PLCG1: variants seen among roughly 807,000 people sequenced by gnomAD.
The protein encoded by PLCG1 is phospholipase C gamma 1.
PLCG1 carries 71 observed loss-of-function variants against 177.8 expected under a neutral mutation model. The observed-to-expected ratio is 0.40, with a 90% CI of 0.33 to 0.49. PLCG1 has a LOEUF of 0.49. PLCG1 is among the 20% of genes least tolerant of loss of function. The pLI is 0.72. For synonymous variants in PLCG1, 658 were observed against 647.9 expected, an observed-to-expected ratio of 1.02 and a Z score of -0.24; for missense variants, 1,281 against 1,709.0, an observed-to-expected ratio of 0.75 and a Z score of 4.42.
chr20:41,144,118 C>T lies in PLCG1; in HGVS notation c.217+6260C>T, dbSNP rs2034920812. Among the ~76,000 whole-genome samples, 1 of 152,170 alleles carries T rather than the reference C, an allele frequency of 6.6e-6. No individual in the cohort carries two copies. The highest frequency in any genetic ancestry group is 2.4e-5 in the African/African-American group (1 of 41,452). Reference sequence around the variant, plus strand: ...GGGAGTTCATGGAACATTTTCTCACCTGTTGTATTGTTTGAACTTCACAGC... The same window carrying T: ...GGGAGTTCATGGAACATTTTCTCACTTGTTGTATTGTTTGAACTTCACAGC... On this transcript the variant is annotated intron_variant, in intron 1 of 31. Transcript: ENST00000685551. This position sits in a 1 kb window ranked among gnomAD's most constrained non-coding sequence, Gnocchi z 4.1.
chr20:41,137,741 G>C lies in PLCG1; in HGVS notation c.100G>C (p.Val34Leu). 7.6e-7 allele frequency: 1 copy of C among 1,322,842 alleles called. No individual in the cohort carries two copies. Among genetic ancestry groups the C allele is most frequent in the Non-Finnish European group, 9.7e-7 (1 of 1,031,190 alleles). The allele number at this position is 1,322,842 out of a possible 1,614,324, so 81.9% of individuals were successfully genotyped here. ...HLCRSLEVGTVMTLFYSKKSQ... is the reference protein window; with the variant it reads ...HLCRSLEVGTLMTLFYSKKSQ... ...CTGCCGCAGCCTCGAGGTGGGCACCGTCATGACTTTGTTCTACTCCAAGAA... is the reference window on the plus strand; with the variant it reads ...CTGCCGCAGCCTCGAGGTGGGCACCCTCATGACTTTGTTCTACTCCAAGAA... Residue 34 changes from valine (V) to leucine (L), a missense_variant, in exon 1 of 32, where the codon GTC (valine) becomes CTC (leucine). Coordinates refer to ENST00000685551, the MANE Select transcript of PLCG1 (RefSeq NM_002660.3). The surrounding 1 kb of genome is among the most constrained non-coding windows in gnomAD (Gnocchi z 7.3).
rs1401009910 is a variant in PLCG1, at chr20:41,162,697, G to A, written c.653G>A (p.Arg218His). ...ITYGQFAQLYRSLMYSAQKTM... is the reference protein window; with the variant it reads ...ITYGQFAQLYHSLMYSAQKTM... ...TACGGGCAGTTTGCTCAGCTGTACC[G>A]CAGCCTCATGTACAGCGCCCAGAAG... Residue 218 changes from arginine to histidine, a missense_variant, in exon 6 of 32, where the codon CGC becomes CAC. Arg to His is a conservative substitution (Grantham distance 29, BLOSUM62 0). This residue lies in a region of PLCG1 where 374 missense variants were observed against 443.8 expected (regional missense o/e 0.84). Coordinates refer to ENST00000685551, the MANE Select transcript of PLCG1 (RefSeq NM_002660.3). 5.6e-6 allele frequency: 9 copies of A among 1,613,398 alleles called. No homozygotes were observed. The highest frequency in any genetic ancestry group is 1.7e-5 in the Admixed American group (1 of 59,968).
At chr20:41,161,438 A>C (rs2035491339) in intron 4 of PLCG1, among the ~76,000 whole-genome samples, 1 of 152,162 alleles carries the variant, frequency 6.6e-6, no homozygotes, top group Admixed American at 6.5e-5. Context: ...TGGTGGAAGA[A>C]GTAACAAGCT....
In PLCG1 at chr20:41,167,300, C is replaced by A. The variant is rs561682649; in HGVS notation, c.2301+441C>A. The stretch of plus-strand genomic sequence containing the variant: ...GACCAGTGAGGGAAAAAGTCAGGAC[C>A]CATGGCAGCACAGCTGGTGATAAGG... On this transcript the variant is annotated intron_variant, in intron 19 of 31. Coordinates refer to ENST00000685551, the MANE Select transcript of PLCG1 (RefSeq NM_002660.3). The surrounding 1 kb of genome is among the most constrained non-coding windows in gnomAD (Gnocchi z 4.4). Among the ~76,000 whole-genome samples, 1 of 152,106 alleles carries A rather than the reference C, an allele frequency of 6.6e-6. No homozygotes were observed. Among genetic ancestry groups the A allele is most frequent in the Non-Finnish European group, 1.5e-5 (1 of 68,014 alleles).
In PLCG1 at chr20:41,137,758, C is replaced by G. The variant is rs1242770171; in HGVS notation, c.117C>G (p.Tyr39Ter). ...TGGGCACCGTCATGACTTTGTTCTA[C>G]TCCAAGAAGTCGCAGCGACCCGAGC... ...LEVGTVMTLF[Y>*]SKKSQRPERK... is the part of the protein sequence containing the mutation. Residue 39 changes from tyrosine (Y) to a stop codon, truncating the protein, a stop_gained, in exon 1 of 32, where the codon TAC (tyrosine) becomes TAG (stop). Transcript: ENST00000685551. LOFTEE classifies it high-confidence loss of function. The surrounding 1 kb of genome is among the most constrained non-coding windows in gnomAD (Gnocchi z 7.3). 1 of 1,291,104 alleles carries G rather than the reference C, an allele frequency of 7.7e-7. No homozygotes were observed. The allele number at this position is 1,291,104 out of a possible 1,614,324, so 80.0% of individuals were successfully genotyped here. A position where few individuals can be genotyped will look rare whatever the true frequency, so the allele number is the denominator to read the frequency against.
chr20:41,158,961 G>A (rs569433460), intron 1 of PLCG1, among the ~76,000 whole-genome samples: 3 of 152,322 alleles, frequency 2.0e-5, no homozygotes, highest in South Asian at 2.1e-4. Flanking sequence ...TGAAGGCCAC[G>A]GGAGCATGCA....
At position 41,165,200 on chromosome 20, in the gene PLCG1, G is replaced by A. The variant is rs894559813; in HGVS notation, c.1387-45G>A. ...GCCTAAACCTGGGTGAGGAGGTGGGGTGAGGACTGGGGTCTGCATTGCCCT... is the reference window on the plus strand; with the variant it reads ...GCCTAAACCTGGGTGAGGAGGTGGGATGAGGACTGGGGTCTGCATTGCCCT... On this transcript the variant is annotated intron_variant, in intron 13 of 31. Coordinates refer to ENST00000685551, the MANE Select transcript of PLCG1 (RefSeq NM_002660.3). This position sits in a 1 kb window ranked among gnomAD's most constrained non-coding sequence, Gnocchi z 6.6. 1.9e-6 allele frequency: 3 copies of A among 1,610,380 alleles called. No individual in the cohort carries two copies. The highest frequency in any genetic ancestry group is 1.7e-4 in the Middle Eastern group (1 of 6,048).
Position 41,168,887 on chromosome 20 carries a change from G to A in PLCG1, c.2483+17G>A. 6.4e-7 allele frequency: 1 copy of A among 1,556,898 alleles called. No homozygotes were observed. The highest frequency in any genetic ancestry group is 8.8e-7 in the Non-Finnish European group (1 of 1,130,032). The stretch of plus-strand genomic sequence containing the variant: ...GGGAGGCTGGTAAGCCAGTGGTGTG[G>A]TAGGCCCAGAGTCCAAGGGCCCCAG... On this transcript the variant is annotated intron_variant, in intron 21 of 31. Coordinates refer to ENST00000685551, the MANE Select transcript of PLCG1 (RefSeq NM_002660.3).
rs761164900 is a variant in PLCG1, at chr20:41,167,382, G to A, written c.2302-470G>A. 6.6e-5 allele frequency among the ~76,000 whole-genome samples: 10 copies of A among 152,190 alleles called. No homozygotes were observed. The highest frequency in any genetic ancestry group is 2.2e-4 in the African/African-American group (9 of 41,442). ...GAAGATCAGTTGAGAGACTGCTGTCGTCAGTAGACAGGGCTGGCTGGGGAG... is the reference window on the plus strand; with the variant it reads ...GAAGATCAGTTGAGAGACTGCTGTCATCAGTAGACAGGGCTGGCTGGGGAG... On this transcript the variant is annotated intron_variant, in intron 19 of 31. Coordinates refer to ENST00000685551, the MANE Select transcript of PLCG1 (RefSeq NM_002660.3). This position sits in a 1 kb window ranked among gnomAD's most constrained non-coding sequence, Gnocchi z 4.4.
Position 41,169,543 on chromosome 20 carries a change from T to C in PLCG1, c.2650+17T>C. The C allele has an allele frequency of 6.3e-7, 1 of 1,595,442 alleles. No individual in the cohort carries two copies. The highest frequency in any genetic ancestry group is 8.6e-7 in the Non-Finnish European group (1 of 1,163,112). On this transcript the variant is annotated intron_variant, in intron 23 of 31. Transcript: ENST00000685551. Reference sequence around the variant, plus strand: ...GTCAGATTGGTGAGCTCCCATCTGTTTCTCTTGCCCACTGTTCCCTAGGGT... The same window carrying C: ...GTCAGATTGGTGAGCTCCCATCTGTCTCTCTTGCCCACTGTTCCCTAGGGT...
At chr20:41,149,007 A>G (rs2035082375) in intron 1 of PLCG1, among the ~76,000 whole-genome samples, 1 of 152,228 alleles carries the variant, frequency 6.6e-6, no homozygotes, top group South Asian at 2.1e-4. Context: ...GTTATTTGCA[A>G]GTATAAAATA....
chr20:41,146,830 A>G lies in PLCG1; in HGVS notation c.217+8972A>G, dbSNP rs536330833. On this transcript the variant is annotated intron_variant, in intron 1 of 31. Transcript: ENST00000685551. The surrounding 1 kb of genome is among the most constrained non-coding windows in gnomAD (Gnocchi z 6.3). ...GTGGATGTGTGGTGGGAGAATTCCA[A>G]CCCCACCTTGACTTCAGCCTAAGGC... 1.3e-5 allele frequency among the ~76,000 whole-genome samples: 2 copies of G among 151,916 alleles called. No individual in the cohort carries two copies. Among genetic ancestry groups the G allele is most frequent in the Non-Finnish European group, 2.9e-5 (2 of 67,958 alleles).
chr20:41,162,642 G>T lies in PLCG1; in HGVS notation c.598G>T (p.Asp200Tyr), dbSNP rs767910982. 6.2e-7 allele frequency: 1 copy of T among 1,613,898 alleles called. No homozygotes were observed. The highest frequency in any genetic ancestry group is 1.1e-5 in the South Asian group (1 of 91,048). ...NMRFLRERLT[D>Y]LEQRSGDITY... ...GGCACTCCTGCTCTATACCATGCAGGACCTGGAGCAGCGCAGCGGGGACAT... is the reference window on the plus strand; with the variant it reads ...GGCACTCCTGCTCTATACCATGCAGTACCTGGAGCAGCGCAGCGGGGACAT... Residue 200 changes from aspartate to tyrosine, a missense_variant and splice_region_variant, in exon 6 of 32, where the codon GAC (aspartate) becomes TAC (tyrosine). Physicochemically the swap from Asp to Tyr is radical, Grantham distance 160. Around this residue, in one of 4 missense-constraint regions of PLCG1, gnomAD observed 374 missense variants for 443.8 expected, o/e 0.84. Coordinates refer to ENST00000685551, the MANE Select transcript of PLCG1 (RefSeq NM_002660.3).
rs779002713 is a variant in PLCG1 at position 41,168,769 on chromosome 20, T to G, written c.2382T>G (p.Cys794Trp). ...VEANPMPTFKCAVKALFDYKA... is the reference protein window; with the variant it reads ...VEANPMPTFKWAVKALFDYKA... ...ACTGGTGCTTCTCACCTCTGCAGTG[T>G]GCAGTCAAAGCCCTCTTTGACTACA... Residue 794 changes from cysteine (C) to tryptophan (W), a missense_variant and splice_region_variant, in exon 21 of 32, where the codon TGT (cysteine) becomes TGG (tryptophan). By Grantham distance (215) the Cys-to-Trp change is radical. Coordinates refer to ENST00000685551, the MANE Select transcript of PLCG1 (RefSeq NM_002660.3). 1 of 1,596,974 alleles carries G rather than the reference T, an allele frequency of 6.3e-7. No individual in the cohort carries two copies. Among genetic ancestry groups the G allele is most frequent in the Admixed American group, 1.7e-5 (1 of 59,874 alleles).
At position 41,160,723 on chromosome 20, in the gene PLCG1, G is replaced by A. The variant is rs751374214; in HGVS notation, c.512+570G>A. Among the ~76,000 whole-genome samples, 3 of 152,196 alleles carry A rather than the reference G, an allele frequency of 2.0e-5. No homozygotes were observed. Among genetic ancestry groups the A allele is most frequent in the Non-Finnish European group, 2.9e-5 (2 of 68,040 alleles). ...AAAATGAGAGGGCTTGGATCATGAT[G>A]GTAATGGTAGGAAGTGGCTGGATTT... On this transcript the variant is annotated intron_variant, in intron 4 of 31. Coordinates refer to ENST00000685551, the MANE Select transcript of PLCG1 (RefSeq NM_002660.3). The surrounding 1 kb of genome is among the most constrained non-coding windows in gnomAD (Gnocchi z 5.5).
intron 1 of PLCG1, among the ~76,000 whole-genome samples, chr20:41,140,927 C>T (rs887543191): frequency 6.6e-6 from 1 of 152,174 alleles, no homozygotes; most frequent in Non-Finnish European, 1.5e-5. Flanking sequence ...GCTCACTAGT[C>T]AGAGGCTGAC....
At position 41,146,429 on chromosome 20, in the gene PLCG1, G is replaced by A. The variant is rs1213533673; in HGVS notation, c.217+8571G>A. On this transcript the variant is annotated intron_variant, in intron 1 of 31. Transcript: ENST00000685551. This position sits in a 1 kb window ranked among gnomAD's most constrained non-coding sequence, Gnocchi z 6.3. Reference sequence around the variant, plus strand: ...CCTCCACCTGCCAGCTGGCACACAGGTGTTGGGTAAAGCATCTGTACAAAG... The same window carrying A: ...CCTCCACCTGCCAGCTGGCACACAGATGTTGGGTAAAGCATCTGTACAAAG... Among the ~76,000 whole-genome samples, 4 of 152,222 alleles carry A rather than the reference G, an allele frequency of 2.6e-5. No individual in the cohort carries two copies. The highest frequency in any genetic ancestry group is 2.0e-4 in the Admixed American group (3 of 15,290).
chr20:41,171,605 AAAAAG>A (rs2035900329), intron 24 of PLCG1, among the ~76,000 whole-genome samples: 1 of 151,314 alleles, frequency 6.6e-6, no homozygotes, highest in Admixed American at 6.6e-5. Context: ...AAAAAAAAAA[AAAAAG>A]CCACTGAAAG....
At chr20:41,152,266 T>G (rs1444159120) in intron 1 of PLCG1, among the ~76,000 whole-genome samples, 2 of 152,222 alleles carry the variant, frequency 1.3e-5, no homozygotes, top group Non-Finnish European at 2.9e-5. Flanking sequence ...GGTCTTGGCT[T>G]CGGGCCCAGC....
Sources: allele counts gnomAD v4.1 joint callset (sites outside exome capture counted in the v4.1 genomes callset), GRCh38; gene constraint gnomAD v4.1.1; regional missense constraint gnomAD v4.1.1; non-coding constraint Gnocchi (gnomAD v3.1); transcripts MANE v1.5; gene names NCBI Gene and HGNC (gene_info 2026-07-23, HGNC 2026-07-21).